LDB2: variants seen among roughly 807,000 people sequenced by gnomAD.
LDB2 encodes the protein LIM domain binding 2.
Under a neutral mutation model 44.3 loss-of-function variants are expected in LDB2, and 12 were observed. That is an observed-to-expected ratio of 0.27 (90% CI 0.17 to 0.44). The LOEUF (loss-of-function observed/expected upper bound fraction) is 0.44. Ranked by LOEUF, LDB2 falls within the 20% of genes least tolerant of loss-of-function variation. The pLI is 1.00. For synonymous variants in LDB2, 164 were observed against 174.8 expected (o/e 0.94, Z 0.49); for missense variants, 344 against 473.5 (o/e 0.73, Z 2.54).
In LDB2 at chr4:16,887,986, T is replaced by C. The variant is rs575815288; in HGVS notation, c.132+10368A>G. On this transcript the variant is annotated intron_variant, in intron 1 of 7. Transcript: ENST00000304523. ...TCCCTGTGGCCAGAAAGATACCGTATGGTACTCTTCAGCACTTCACTACTT... is the reference window on the plus strand; with the variant it reads ...TCCCTGTGGCCAGAAAGATACCGTACGGTACTCTTCAGCACTTCACTACTT... Among the ~76,000 whole-genome samples, 25 of 152,234 alleles carry C rather than the reference T, an allele frequency of 1.6e-4. No homozygotes were observed. The South Asian group carries it at 5.0e-3, about 30-fold the overall frequency.
intron 5 of LDB2, among the ~76,000 whole-genome samples, chr4:16,540,716 T>C (rs116068054): frequency 0.011 from 1,606 of 152,314 alleles, 25 homozygotes; most frequent in African/African-American, 0.037. Flanking sequence ...CTGGATTTTA[T>C]TTTTTAAAAA....
intron 2 of LDB2, among the ~76,000 whole-genome samples, chr4:16,713,209 G>A (rs1482723035): frequency 3.3e-5 from 5 of 152,214 alleles, no homozygotes; most frequent in Non-Finnish European, 1.5e-5. Flanking sequence ...GAATGCAAAT[G>A]TGCAGTCTGG....
chr4:16,698,717 T>C (rs1402993249), intron 2 of LDB2, among the ~76,000 whole-genome samples: 1 of 152,232 alleles, frequency 6.6e-6, no homozygotes, highest in African/African-American at 2.4e-5. Flanking sequence ...ATTTATGACA[T>C]ACTTATTAGT....
intron 2 of LDB2, chr4:16,651,163 A>G (rs534694910): frequency 6.6e-6 from 1 of 152,224 alleles, no homozygotes; most frequent in African/African-American, 2.4e-5. Flanking sequence ...TTAACTTCTC[A>G]CCTGGGATCA....
At chr4:16,777,967 C>T (rs1025776557) in intron 1 of LDB2, among the ~76,000 whole-genome samples, 7 of 152,142 alleles carry the variant, frequency 4.6e-5, no homozygotes, top group African/African-American at 9.7e-5. Flanking sequence ...CTTGTCCCTG[C>T]CCTGCCTTCC....
rs1553965155 is a variant in LDB2 at position 16,693,361 on chromosome 4, T to TTTTC, written c.235+65796_235+65797insGAAA. Reference sequence around the variant, plus strand: ...GAGCAATAGTTCTTTTTTTTTTTTTTTTTTTTTTGAGATGAATTCTTGCCC... The same window carrying TTTTC: ...GAGCAATAGTTCTTTTTTTTTTTTTTTTTCTTTTTTTTGAGATGAATTCTTGCCC... On this transcript the variant is annotated intron_variant, in intron 2 of 7. Transcript: ENST00000304523. 8.4e-3 allele frequency among the ~76,000 whole-genome samples: 1,243 copies of TTTTC among 147,516 alleles called. 22 individuals are homozygous for TTTTC. The highest frequency in any genetic ancestry group is 0.029 in the African/African-American group (1,169 of 40,242).
intron 1 of LDB2, among the ~76,000 whole-genome samples, chr4:16,821,872 T>C (rs1370446786): frequency 6.6e-6 from 1 of 151,212 alleles, no homozygotes; most frequent in Non-Finnish European, 1.5e-5. Flanking sequence ...ATAATGAACG[T>C]GAGAGCTGGA....
At chr4:16,743,067 A>C (rs1763664876) in intron 2 of LDB2, among the ~76,000 whole-genome samples, 1 of 152,078 alleles carries the variant, frequency 6.6e-6, no homozygotes, top group African/African-American at 2.4e-5. Context: ...AGGTGGGTGG[A>C]TCACTTGAGG....
intron 1 of LDB2, among the ~76,000 whole-genome samples, chr4:16,884,557 C>T (rs1433495161): frequency 6.6e-6 from 1 of 152,136 alleles, no homozygotes; most frequent in African/African-American, 2.4e-5. Context: ...CATTTGCGTT[C>T]TTGCTACCTT....
chr4:16,821,374 G>GC (rs1446396323), intron 1 of LDB2, among the ~76,000 whole-genome samples: 11 of 21,124 alleles, frequency 5.2e-4, no homozygotes, highest in African/African-American at 7.2e-4. Flanking sequence ...TGGAATATTT[G>GC]AATTTTTTTT....
At chr4:16,778,502 CCAT>C (rs1187928140) in intron 1 of LDB2, among the ~76,000 whole-genome samples, 1 of 152,192 alleles carries the variant, frequency 6.6e-6, no homozygotes. Context: ...ATCACAACCA[CCAT>C]CAAGAGTGTT....
At chr4:16,675,581 GA>G (rs201901958) in intron 2 of LDB2, among the ~76,000 whole-genome samples, 8,400 of 140,700 alleles carry the variant, frequency 0.06, 300 homozygotes, top group Admixed American at 0.12. Flanking sequence ...GGTACAAAAT[GA>G]AAAAAAAAAA....
At chr4:16,691,640 T>C (rs561846670) in intron 2 of LDB2, among the ~76,000 whole-genome samples, 1 of 152,322 alleles carries the variant, frequency 6.6e-6, no homozygotes, top group Admixed American at 6.5e-5. Context: ...GGCCAACACA[T>C]GTGAGATCAA....
intron 1 of LDB2, among the ~76,000 whole-genome samples, chr4:16,777,037 C>T (rs1212794840): frequency 6.6e-6 from 1 of 152,076 alleles, no homozygotes; most frequent in Non-Finnish European, 1.5e-5. Context: ...TTGGGTCAGG[C>T]GGACAAAATT....
At chr4:16,532,559 T>G (rs1730505894) in intron 5 of LDB2, among the ~76,000 whole-genome samples, 1 of 152,216 alleles carries the variant, frequency 6.6e-6, no homozygotes, top group South Asian at 2.1e-4. Context: ...CTAGCATATT[T>G]TCAACTTTAT....
At chr4:16,812,530 C>T (rs1488019888) in intron 1 of LDB2, among the ~76,000 whole-genome samples, 1 of 148,128 alleles carries the variant, frequency 6.8e-6, no homozygotes, top group Non-Finnish European at 1.5e-5. Flanking sequence ...CTCTGACCCT[C>T]AGGGAAAACA....
intron 2 of LDB2, among the ~76,000 whole-genome samples, chr4:16,717,996 T>C (rs546456996): frequency 1.3e-4 from 20 of 152,314 alleles, no homozygotes; most frequent in African/African-American, 4.8e-4. Flanking sequence ...TTAATTGCTA[T>C]GTAATAAATA....
intron 2 of LDB2, among the ~76,000 whole-genome samples, chr4:16,657,667 C>T (rs766104948): frequency 9.9e-5 from 15 of 152,210 alleles, no homozygotes; most frequent in Non-Finnish European, 1.9e-4. Flanking sequence ...GTTTCTTGGA[C>T]CATATCAAGC....
intron 2 of LDB2, among the ~76,000 whole-genome samples, chr4:16,711,264 A>G (rs115063553): frequency 0.027 from 4,104 of 152,314 alleles, 78 homozygotes; most frequent in Middle Eastern, 0.082. Flanking sequence ...GGGAAGAATC[A>G]CGGCATTATG....
Sources: allele counts gnomAD v4.1 joint callset (sites outside exome capture counted in the v4.1 genomes callset), GRCh38; gene constraint gnomAD v4.1.1; transcripts MANE v1.5; gene names NCBI Gene and HGNC (gene_info 2026-07-23, HGNC 2026-07-21).